ERC2: variants seen among roughly 807,000 people sequenced by gnomAD.
The protein encoded by ERC2 is ELKS/RAB6-interacting/CAST family member 2.
ERC2 carries 42 observed loss-of-function variants against 114.8 expected under a neutral mutation model. That is an observed-to-expected ratio of 0.37 (90% CI 0.29 to 0.47). The LOEUF is 0.47. ERC2 is among the 20% of genes least tolerant of loss of function. The pLI is 0.99. For missense variants in ERC2, 939 were observed against 1,150.7 expected (o/e 0.82, Z 2.66); for synonymous variants, 454 against 425.5 (o/e 1.07, Z -0.82).
chr3:55,871,813 A>T (rs1015864000), intron 14 of ERC2, among the ~76,000 whole-genome samples: 1 of 152,130 alleles, frequency 6.6e-6, no homozygotes, highest in Non-Finnish European at 1.5e-5. Flanking sequence ...TTACAGCAAT[A>T]TTTTTTAAAA....
At chr3:56,194,318 A>G (rs1469026401) in intron 3 of ERC2, among the ~76,000 whole-genome samples, 2 of 152,182 alleles carry the variant, frequency 1.3e-5, no homozygotes, top group Non-Finnish European at 2.9e-5. Context: ...TTGCAGATAT[A>G]ATTAAATTAA....
chr3:56,261,376 T>C (rs1479352675), intron 3 of ERC2, among the ~76,000 whole-genome samples: 2 of 152,216 alleles, frequency 1.3e-5, no homozygotes, highest in African/African-American at 4.8e-5. Context: ...CTACACTGTC[T>C]AGTGGACAGT....
chr3:55,677,935 G>A (rs1371562515), intron 17 of ERC2, among the ~76,000 whole-genome samples: 1 of 152,132 alleles, frequency 6.6e-6, no homozygotes, highest in Non-Finnish European at 1.5e-5. Context: ...ACTCAGTACT[G>A]AGATGTATAT....
At chr3:55,851,993 G>C (rs553430583) in intron 14 of ERC2, among the ~76,000 whole-genome samples, 1 of 152,174 alleles carries the variant, frequency 6.6e-6, no homozygotes, top group Non-Finnish European at 1.5e-5. Flanking sequence ...GAGGCCAGGC[G>C]GGTGGATCAC....
chr3:55,835,193 T>A (rs902043131), intron 14 of ERC2, among the ~76,000 whole-genome samples: 27 of 152,120 alleles, frequency 1.8e-4, no homozygotes, highest in Non-Finnish European at 3.4e-4. Context: ...ACTGGTACCA[T>A]TCCTTCTGAA....
intron 14 of ERC2, among the ~76,000 whole-genome samples, chr3:55,833,700 A>G (rs2060728049): frequency 1.3e-5 from 2 of 152,222 alleles, no homozygotes; most frequent in South Asian, 4.1e-4. Flanking sequence ...AACTGCATCA[A>G]CTAACGAGCA....
Position 55,954,819 on chromosome 3 carries a change from C to T in ERC2, c.2268-4259G>A, listed in dbSNP as rs144805808. The stretch of plus-strand genomic sequence containing the variant: ...GTAAACCCTTCTTCTAGTAAAACAG[C>T]CTACAAAAGTGCTTGCACATGTGCA... On this transcript the variant is annotated intron_variant, in intron 12 of 17. Transcript: ENST00000288221. Among the ~76,000 whole-genome samples, 441 of 151,948 alleles carry T rather than the reference C, an allele frequency of 2.9e-3. 1 individual carries two copies. Among genetic ancestry groups the T allele is most frequent in the Non-Finnish European group, 5.2e-3 (354 of 67,954 alleles).
intron 1 of ERC2, among the ~76,000 whole-genome samples, chr3:56,454,133 T>C (rs1291760421): frequency 6.6e-6 from 1 of 152,204 alleles, no homozygotes; most frequent in African/African-American, 2.4e-5. Context: ...TGTACCTTCC[T>C]TAAAGGCAAG....
chr3:55,943,937 C>A (rs1046418391), intron 13 of ERC2, among the ~76,000 whole-genome samples: 1 of 152,154 alleles, frequency 6.6e-6, no homozygotes, highest in Non-Finnish European at 1.5e-5. Context: ...AAAGGATCCA[C>A]GTCTGCTTCT....
chr3:56,348,478 T>C (rs1266523060), intron 2 of ERC2, among the ~76,000 whole-genome samples: 1 of 148,940 alleles, frequency 6.7e-6, no homozygotes. Context: ...GGCAAATATA[T>C]ATATTTTTAT....
At chr3:55,910,901 T>C (rs746675795) in intron 13 of ERC2, among the ~76,000 whole-genome samples, 1 of 152,224 alleles carries the variant, frequency 6.6e-6, no homozygotes, top group Non-Finnish European at 1.5e-5. Context: ...TGTATCACTT[T>C]TCAAGCTTTC....
At chr3:56,262,878 A>G (rs1275614435) in intron 3 of ERC2, among the ~76,000 whole-genome samples, 24 of 152,194 alleles carry the variant, frequency 1.6e-4, no homozygotes, top group Admixed American at 1.6e-3. Context: ...AATTCCCTGT[A>G]ACAATTTAAC....
chr3:56,247,792 C>G (rs2051820223), intron 3 of ERC2, among the ~76,000 whole-genome samples: 1 of 152,214 alleles, frequency 6.6e-6, no homozygotes, highest in Admixed American at 6.5e-5. Context: ...AGTTAATCAG[C>G]TCTTCTACCA....
chr3:55,719,912 C>A (rs1361952278), intron 15 of ERC2, among the ~76,000 whole-genome samples: 2 of 151,926 alleles, frequency 1.3e-5, no homozygotes, highest in Non-Finnish European at 2.9e-5. Context: ...GGGAAAAATT[C>A]TGGAACCCAT....
chr3:56,402,478 T>G (rs2060556587), intron 2 of ERC2, among the ~76,000 whole-genome samples: 1 of 152,102 alleles, frequency 6.6e-6, no homozygotes, highest in South Asian at 2.1e-4. Flanking sequence ...AATCCCCATC[T>G]CCAAAGTCAA....
At chr3:55,825,006 T>A (rs1286717667) in intron 14 of ERC2, among the ~76,000 whole-genome samples, 2 of 152,242 alleles carry the variant, frequency 1.3e-5, no homozygotes, top group African/African-American at 4.8e-5. Context: ...TTATGATGAT[T>A]TACCACCAAA....
rs1367564423 is a variant in ERC2, at chr3:56,080,831, C to T, written c.1627G>A (p.Val543Ile). The T allele has an allele frequency of 1.2e-6, 2 of 1,613,210 alleles. No homozygotes were observed. Among genetic ancestry groups the T allele is most frequent in the Non-Finnish European group, 8.5e-7 (1 of 1,179,610 alleles). Residue 543 changes from valine (V) to isoleucine (I), a missense_variant, in exon 7 of 18, where the codon GTT (valine) becomes ATT (isoleucine). Val to Ile is a conservative substitution (Grantham distance 29). This residue lies in a region of ERC2 where 149 missense variants were observed against 254.6 expected (regional missense o/e 0.59). Coordinates refer to ENST00000288221, the MANE Select transcript of ERC2 (RefSeq NM_015576.3). ...MLEVKERKINVLQKKIENLQE... is the reference protein window; with the variant it reads ...MLEVKERKINILQKKIENLQE... ...CAGCTACTCACCTTTTTCTGAAGAA[C>T]ATTGATTTTTCTTTCCTTCACTTCT...
intron 14 of ERC2, among the ~76,000 whole-genome samples, chr3:55,828,803 T>G (rs1423635416): frequency 6.6e-6 from 1 of 152,194 alleles, no homozygotes; most frequent in African/African-American, 2.4e-5. Context: ...CAATATTCTC[T>G]ACAGGATTTT....
chr3:55,605,827 C>T (rs1241150340), intron 17 of ERC2, among the ~76,000 whole-genome samples: 1 of 152,160 alleles, frequency 6.6e-6, no homozygotes, highest in Non-Finnish European at 1.5e-5. Context: ...TCAAAGTGTA[C>T]AACATTGATG....
Sources: allele counts gnomAD v4.1 joint callset (sites outside exome capture counted in the v4.1 genomes callset), GRCh38; gene constraint gnomAD v4.1.1; regional missense constraint gnomAD v4.1.1; transcripts MANE v1.5; gene names NCBI Gene and HGNC (gene_info 2026-07-23, HGNC 2026-07-21).